The following ITSN1 variants were observed in gnomAD, a reference collection of about 807,000 sequenced individuals.
ITSN1 encodes the protein intersectin 1.
Under a neutral mutation model 239.8 loss-of-function variants are expected in ITSN1, and 58 were observed. The ratio of observed to expected loss-of-function variants is 0.24; its 90% CI spans 0.20 to 0.30. ITSN1 has a LOEUF of 0.30. ITSN1 is among the 10% of genes least tolerant of loss of function. The pLI, the probability that ITSN1 is intolerant of heterozygous loss-of-function variation, is 1.00. For synonymous variants in ITSN1, 780 were observed against 770.8 expected (o/e 1.01, Z -0.20); for missense variants, 1,558 against 2,103.3 (o/e 0.74, Z 5.07).
chr21:33,660,250 A>G (rs890058678), intron 1 of ITSN1, among the ~76,000 whole-genome samples: 2 of 152,144 alleles, frequency 1.3e-5, no homozygotes, highest in African/African-American at 4.8e-5. Flanking sequence ...TGCTCCCACA[A>G]TAAGATCTTT....
intron 1 of ITSN1, among the ~76,000 whole-genome samples, chr21:33,683,081 G>T (rs1229533087): frequency 6.6e-6 from 1 of 152,070 alleles, no homozygotes; most frequent in East Asian, 1.9e-4. Context: ...ACCATGGCAA[G>T]AGTGAAAGGG....
chr21:33,776,697 A>T (rs969081757), intron 14 of ITSN1, among the ~76,000 whole-genome samples: 4 of 152,148 alleles, frequency 2.6e-5, no homozygotes, highest in African/African-American at 9.7e-5. Flanking sequence ...TTTATTGGCG[A>T]GTATTTTTTA....
In ITSN1 at chr21:33,865,615, T is replaced by C. The variant is rs1004291280; in HGVS notation, c.4074+281T>C. Among the ~76,000 whole-genome samples the C allele has an allele frequency of 6.6e-6, 1 of 152,254 alleles. No individual in the cohort carries two copies. The highest frequency in any genetic ancestry group is 1.5e-5 in the Non-Finnish European group (1 of 68,048). ...GCTATTGGTGTTATTTGGATGCATGTTTAAATCTTTCATTTCATTTGCAAG... is the reference window on the plus strand; with the variant it reads ...GCTATTGGTGTTATTTGGATGCATGCTTAAATCTTTCATTTCATTTGCAAG... On this transcript the variant is annotated intron_variant, in intron 32 of 39. Coordinates refer to ENST00000381318, the MANE Select transcript of ITSN1 (RefSeq NM_003024.3). The surrounding 1 kb of genome is among the most constrained non-coding windows in gnomAD (Gnocchi z 4.4).
Position 33,750,325 on chromosome 21 carries a change from A to G in ITSN1, c.526+3A>G, listed in dbSNP as rs1387266582. 2 of 1,612,300 alleles carry G rather than the reference A, an allele frequency of 1.2e-6. No individual in the cohort carries two copies. Among genetic ancestry groups the G allele is most frequent in the East Asian group, 2.2e-5 (1 of 44,898 alleles). On this transcript the variant is annotated splice_donor_region_variant and intron_variant, in intron 6 of 39. Coordinates refer to ENST00000381318, the MANE Select transcript of ITSN1 (RefSeq NM_003024.3). ...TCTGCCTGCATTTGCTCATCCTGGT[A>G]TGTGACTTGCTGAAACCATAGGCTG...
intron 2 of ITSN1, among the ~76,000 whole-genome samples, chr21:33,719,716 C>T (rs2065373190): frequency 6.6e-6 from 1 of 152,030 alleles, no homozygotes; most frequent in Non-Finnish European, 1.5e-5. Flanking sequence ...TTTTTCAAAG[C>T]CTGGATTTGA....
At chr21:33,678,766 T>C (rs1248338944) in intron 1 of ITSN1, among the ~76,000 whole-genome samples, 1 of 152,022 alleles carries the variant, frequency 6.6e-6, no homozygotes, top group Admixed American at 6.6e-5. Flanking sequence ...CAGGCTGGAG[T>C]GTAGTGGCGC....
intron 29 of ITSN1, among the ~76,000 whole-genome samples, chr21:33,840,290 T>C (rs1246556044): frequency 1.3e-5 from 2 of 152,220 alleles, no homozygotes; most frequent in Admixed American, 1.3e-4. Flanking sequence ...GAAGGGATAC[T>C]AGGTATCTCC....
At position 33,751,865 on chromosome 21, in the gene ITSN1, A is replaced by G. The variant is rs1447961077; in HGVS notation, c.582A>G (p.Leu194=). The change falls in exon 7 of 40, where the codon CTA becomes CTG. Residue 194 remains leucine (L), a synonymous_variant. Transcript: ENST00000381318. The part of the protein sequence containing the change: ...SFSRSGPGSQ[L]NTKLQKAQSF... Reference sequence around the variant, plus strand: ...GTAGATCTGGTCCAGGGTCACAACTAAACACTAAATTACAAAAGGCACAGT... The same window carrying G: ...GTAGATCTGGTCCAGGGTCACAACTGAACACTAAATTACAAAAGGCACAGT... The G allele has an allele frequency of 8.7e-6, 14 of 1,613,758 alleles. No homozygotes were observed. The highest frequency in any genetic ancestry group is 1.1e-5 in the Non-Finnish European group (13 of 1,179,704).
At chr21:33,698,310 C>T (rs2091882799) in intron 1 of ITSN1, among the ~76,000 whole-genome samples, 1 of 152,154 alleles carries the variant, frequency 6.6e-6, no homozygotes, top group Admixed American at 6.5e-5. Flanking sequence ...CTGGTCATTC[C>T]TGAGTGTCTC....
At chr21:33,702,816 G>A (rs959017381) in intron 1 of ITSN1, among the ~76,000 whole-genome samples, 3 of 152,090 alleles carry the variant, frequency 2.0e-5, no homozygotes, top group African/African-American at 7.2e-5. Flanking sequence ...GGTGGCTCAC[G>A]CCTGTAATCC....
At chr21:33,765,326 A>C (rs1003411943) in intron 9 of ITSN1, among the ~76,000 whole-genome samples, 1 of 152,214 alleles carries the variant, frequency 6.6e-6, no homozygotes, top group East Asian at 1.9e-4. Flanking sequence ...TGAGACCCCC[A>C]TCTCTACAAA....
intron 8 of ITSN1, among the ~76,000 whole-genome samples, chr21:33,755,648 T>C (rs746464232): frequency 2.6e-5 from 4 of 152,208 alleles, no homozygotes; most frequent in African/African-American, 4.8e-5. Context: ...GCCACTGATA[T>C]GCAAATCAAG....
At chr21:33,849,712 C>G (rs561856484) in intron 29 of ITSN1, among the ~76,000 whole-genome samples, 1 of 152,202 alleles carries the variant, frequency 6.6e-6, no homozygotes, top group African/African-American at 2.4e-5. Flanking sequence ...GACGGATACC[C>G]CATTCTTATG....
intron 29 of ITSN1, chr21:33,838,044 T>G: frequency 1.0e-6 from 1 of 985,812 alleles, no homozygotes; most frequent in Non-Finnish European, 1.2e-6. Flanking sequence ...AATGTTTACA[T>G]TTTTTAACTA....
At chr21:33,810,163 G>A (rs1248890320) in intron 20 of ITSN1, among the ~76,000 whole-genome samples, 1 of 152,132 alleles carries the variant, frequency 6.6e-6, no homozygotes, top group African/African-American at 2.4e-5. Context: ...TAAAATAGTA[G>A]GGACAACTCG....
In ITSN1 at chr21:33,856,828, T is replaced by C; in HGVS notation, c.3754T>C (p.Tyr1252His). ...IHELIVTEEN[Y>H]VNDLQLVTEI... is the part of the protein sequence containing the mutation. Reference sequence around the variant, plus strand: ...CGAGCTCATTGTCACCGAGGAGAACTATGTGAATGACCTGCAGCTGGTCAC... The same window carrying C: ...CGAGCTCATTGTCACCGAGGAGAACCATGTGAATGACCTGCAGCTGGTCAC... The change falls in exon 30 of 40, where the codon TAT (tyrosine) becomes CAT (histidine). Residue 1252 changes from tyrosine (Y) to histidine (H), a missense_variant. This residue lies in a region of ITSN1 where 576 missense variants were observed against 893.3 expected (regional missense o/e 0.64). Transcript: ENST00000381318. 6.2e-7 allele frequency: 1 copy of C among 1,613,988 alleles called. No homozygotes were observed. The highest frequency in any genetic ancestry group is 8.5e-7 in the Non-Finnish European group (1 of 1,179,998).
At chr21:33,837,366 T>C (rs2074657669) in intron 29 of ITSN1, 1 of 1,000,968 alleles carries the variant, frequency 1.0e-6, no homozygotes, top group Non-Finnish European at 1.2e-6. Context: ...ACAAAATAAA[T>C]AAATGACTTC....
intron 1 of ITSN1, among the ~76,000 whole-genome samples, chr21:33,712,200 T>C (rs1229896517): frequency 6.6e-6 from 1 of 152,232 alleles, no homozygotes; most frequent in South Asian, 2.1e-4. Flanking sequence ...TTTTTTTTTT[T>C]AAGAATTTGT....
intron 21 of ITSN1, 73 bp from the exon 22 acceptor site, chr21:33,813,840 T>G: frequency 7.9e-7 from 1 of 1,272,316 alleles, no homozygotes. Flanking sequence ...TTTTTTTTGG[T>G]ACTTTACTGT....
Sources: allele counts gnomAD v4.1 joint callset (sites outside exome capture counted in the v4.1 genomes callset), GRCh38; gene constraint gnomAD v4.1.1; regional missense constraint gnomAD v4.1.1; non-coding constraint Gnocchi (gnomAD v3.1); transcripts MANE v1.5; gene names NCBI Gene and HGNC (gene_info 2026-07-23, HGNC 2026-07-21).